RSRC1: variants seen among roughly 807,000 people sequenced by gnomAD.
RSRC1 encodes the protein serine/Arginine-related protein 53.
RSRC1 carries 39 observed loss-of-function variants against 49.1 expected under a neutral mutation model. The ratio of observed to expected loss-of-function variants is 0.79; its 90% CI spans 0.61 to 1.04. The LOEUF is 1.04. Ranked by LOEUF, RSRC1 falls within the 50% of genes least tolerant of loss-of-function variation. RSRC1 has a pLI of 0.00. For missense variants in RSRC1, 388 were observed against 402.4 expected, an observed-to-expected ratio of 0.96 and a Z score of 0.31; for synonymous variants, 143 against 130.8, an observed-to-expected ratio of 1.09 and a Z score of -0.63.
At chr3:158,329,115 G>A (rs1318135869) in intron 5 of RSRC1, among the ~76,000 whole-genome samples, 3 of 152,060 alleles carry the variant, frequency 2.0e-5, no homozygotes, top group Non-Finnish European at 4.4e-5. Context: ...TCTCTACTCT[G>A]GTTATTCTGG....
intron 2 of RSRC1, 73 bp downstream of exon 2, chr3:158,122,371 A>C: frequency 8.8e-7 from 1 of 1,138,146 alleles, no homozygotes. Flanking sequence ...TGTATTTTTA[A>C]TTTTGCTAGA....
intron 6 of RSRC1, among the ~76,000 whole-genome samples, chr3:158,411,939 C>G (rs1182295642): frequency 6.6e-6 from 1 of 151,976 alleles, no homozygotes; most frequent in Non-Finnish European, 1.5e-5. Flanking sequence ...TTCTCATTCA[C>G]CAGAGTTTCA....
chr3:158,182,185 A>G (rs768841088), intron 3 of RSRC1, among the ~76,000 whole-genome samples: 9 of 152,140 alleles, frequency 5.9e-5, no homozygotes, highest in Non-Finnish European at 7.4e-5. Flanking sequence ...AGGGAATCTT[A>G]GATGTCTGGG....
At chr3:158,347,881 T>TA (rs1396991543) in intron 5 of RSRC1, among the ~76,000 whole-genome samples, 50 of 152,168 alleles carry the variant, frequency 3.3e-4, no homozygotes, top group African/African-American at 1.2e-3. Context: ...TTTATTTTTT[T>TA]TAAAAAAATT....
At chr3:158,350,982 T>C (rs1730841516) in intron 5 of RSRC1, among the ~76,000 whole-genome samples, 1 of 152,164 alleles carries the variant, frequency 6.6e-6, no homozygotes, top group South Asian at 2.1e-4. Context: ...TTTAATTCTA[T>C]ATTCTGTTCT....
At chr3:158,447,125 G>A (rs1736764965) in intron 6 of RSRC1, among the ~76,000 whole-genome samples, 1 of 151,954 alleles carries the variant, frequency 6.6e-6, no homozygotes. Flanking sequence ...TCGAGGCATG[G>A]CATAAAGCTC....
intron 4 of RSRC1, among the ~76,000 whole-genome samples, chr3:158,287,949 C>G (rs139362603): frequency 1.5e-3 from 228 of 152,222 alleles, no homozygotes; most frequent in Admixed American, 3.3e-3. Flanking sequence ...GCAAGATGTC[C>G]CTTTTTCCTG....
chr3:158,245,336 G>A (rs1723830849), intron 4 of RSRC1, among the ~76,000 whole-genome samples: 1 of 152,112 alleles, frequency 6.6e-6, no homozygotes, highest in Non-Finnish European at 1.5e-5. Context: ...ATGGCTTTTA[G>A]TGAATTTCTT....
In RSRC1 at chr3:158,539,108, T is replaced by C. The variant is rs1199118897; in HGVS notation, c.759+1910T>C. 5.3e-5 allele frequency among the ~76,000 whole-genome samples: 2 copies of C among 37,904 alleles called. No individual in the cohort carries two copies. Among genetic ancestry groups the C allele is most frequent in the African/African-American group, 3.2e-4 (2 of 6,278 alleles). 24.9% of individuals were successfully genotyped at this position (37,904 alleles called of 152,430 possible). A position where few individuals can be genotyped will look rare whatever the true frequency, so the allele number is the denominator to read the frequency against. On this transcript the variant is annotated intron_variant, in intron 8 of 9. Coordinates refer to ENST00000611884, the MANE Select transcript of RSRC1 (RefSeq NM_001271838.2). This position sits in a 1 kb window ranked among gnomAD's most constrained non-coding sequence, Gnocchi z 4.1. ...GACTATCCCTAATGCATAGCAAGGA[T>C]TTAACTCTCTTGAGGACTGAGTTAC...
intron 3 of RSRC1, among the ~76,000 whole-genome samples, chr3:158,184,130 AG>A (rs373693232): frequency 3.3e-5 from 5 of 152,170 alleles, no homozygotes; most frequent in African/African-American, 9.7e-5. Context: ...GAGAAAACTA[AG>A]AAAAAGTATA....
At chr3:158,369,290 T>G (rs1578396047) in intron 6 of RSRC1, among the ~76,000 whole-genome samples, 1 of 152,258 alleles carries the variant, frequency 6.6e-6, no homozygotes, top group East Asian at 1.9e-4. Flanking sequence ...TAAGATTATA[T>G]TAGGATTCAA....
chr3:158,532,595 A>G (rs1398350063), intron 7 of RSRC1, among the ~76,000 whole-genome samples: 1 of 151,802 alleles, frequency 6.6e-6, no homozygotes, highest in Non-Finnish European at 1.5e-5. Flanking sequence ...ATTTTTCATC[A>G]CAAAAGGAAA....
At chr3:158,148,596 A>C (rs566313295) in intron 3 of RSRC1, among the ~76,000 whole-genome samples, 15 of 152,062 alleles carry the variant, frequency 9.9e-5, no homozygotes, top group Non-Finnish European at 2.1e-4. Flanking sequence ...GAATGTCATA[A>C]ACTCATCTTT....
intron 7 of RSRC1, among the ~76,000 whole-genome samples, chr3:158,470,353 C>CATATAT (rs1168384550): frequency 2.1e-4 from 25 of 120,112 alleles, no homozygotes; most frequent in African/African-American, 8.3e-4. Context: ...CACACACACA[C>CATATAT]ACACACACAT....
chr3:158,171,523 T>C (rs1718881248), intron 3 of RSRC1, among the ~76,000 whole-genome samples: 1 of 152,086 alleles, frequency 6.6e-6, no homozygotes, highest in South Asian at 2.1e-4. Flanking sequence ...ATAGAACTTT[T>C]TAGTAGAGAA....
intron 3 of RSRC1, among the ~76,000 whole-genome samples, chr3:158,191,144 C>T (rs1435493060): frequency 1.3e-5 from 2 of 151,800 alleles, no homozygotes; most frequent in Non-Finnish European, 2.9e-5. Context: ...ACCAAGCCAC[C>T]GGTGGACACC....
intron 4 of RSRC1, among the ~76,000 whole-genome samples, chr3:158,274,862 T>C (rs1725717697): frequency 6.6e-6 from 1 of 152,182 alleles, no homozygotes; most frequent in Admixed American, 6.5e-5. Flanking sequence ...CATGCACTTG[T>C]ATGACTTTTT....
intron 6 of RSRC1, among the ~76,000 whole-genome samples, chr3:158,380,312 G>A (rs952169676): frequency 4.0e-5 from 6 of 151,764 alleles, no homozygotes; most frequent in Non-Finnish European, 7.4e-5. Flanking sequence ...ATAATGTCTT[G>A]CCCCAAGCAT....
At chr3:158,379,156 T>C (rs1732549579) in intron 6 of RSRC1, among the ~76,000 whole-genome samples, 1 of 151,636 alleles carries the variant, frequency 6.6e-6, no homozygotes, top group Admixed American at 6.6e-5. Flanking sequence ...GCAACTGGAA[T>C]GAGTGGTCCT....
Sources: allele counts gnomAD v4.1 joint callset (sites outside exome capture counted in the v4.1 genomes callset), GRCh38; gene constraint gnomAD v4.1.1; non-coding constraint Gnocchi (gnomAD v3.1); transcripts MANE v1.5; gene names NCBI Gene and HGNC (gene_info 2026-07-23, HGNC 2026-07-21).